Variants in SMPD3 observed in about 807,000 individuals in gnomAD.
SMPD3 encodes sphingomyelin phosphodiesterase 3.
A neutral mutation model predicts 55.7 loss-of-function variants in SMPD3; 21 were observed. The ratio of observed to expected loss-of-function variants is 0.38; its 90% confidence interval spans 0.27 to 0.54. SMPD3 has a LOEUF of 0.54. SMPD3 is among the 20% of genes least tolerant of loss of function. The pLI, the probability that SMPD3 is intolerant of heterozygous loss-of-function variation, is 0.80. For missense variants in SMPD3, 842 were observed against 899.6 expected, an observed-to-expected ratio of 0.94 and a Z score of 0.82; for synonymous variants, 457 against 404.3, an observed-to-expected ratio of 1.13 and a Z score of -1.56.
intron 2 of SMPD3, among the ~76,000 whole-genome samples, chr16:68,372,960 C>G (rs2089712090): frequency 2.0e-5 from 3 of 152,204 alleles, no homozygotes; most frequent in South Asian, 4.1e-4. Context: ...AGGGCGGTCC[C>G]CCTCCATGCA....
In SMPD3 at chr16:68,364,962, G is replaced by A. The variant is rs1469947959; in HGVS notation, c.1399+55C>T. ...TGAAGTTCGCCCCAGACCCCAGCTA[G>A]GCCCCAGGCACTGATCCCATGCCTA... On this transcript the variant is annotated intron_variant, in intron 4 of 8. Coordinates refer to ENST00000219334, the MANE Select transcript of SMPD3 (RefSeq NM_018667.4). 7.4e-6 allele frequency: 12 copies of A among 1,613,552 alleles called. No individual in the cohort carries two copies. The East Asian group carries it at 2.7e-4, about 36-fold the overall frequency.
intron 1 of SMPD3, among the ~76,000 whole-genome samples, chr16:68,397,946 G>T (rs548047595): frequency 9.9e-5 from 15 of 151,708 alleles, no homozygotes; most frequent in Non-Finnish European, 2.2e-4. Context: ...GACAGGCAAG[G>T]CCAGGGGATG....
At chr16:68,424,770 G>A (rs371372740) in intron 1 of SMPD3, among the ~76,000 whole-genome samples, 1 of 152,272 alleles carries the variant, frequency 6.6e-6, no homozygotes, top group East Asian at 1.9e-4. Context: ...GAGTGCAGTG[G>A]CATGATCTCA....
chr16:68,441,969 T>C (rs1181215109), intron 1 of SMPD3, among the ~76,000 whole-genome samples: 1 of 152,166 alleles, frequency 6.6e-6, no homozygotes, highest in Non-Finnish European at 1.5e-5. Context: ...TCTCACTATG[T>C]TACCCAGGCT....
At chr16:68,396,138 C>A (rs2090155165) in intron 1 of SMPD3, among the ~76,000 whole-genome samples, 2 of 152,234 alleles carry the variant, frequency 1.3e-5, no homozygotes, top group South Asian at 4.1e-4. Flanking sequence ...CTACTCCCAA[C>A]CCCTCCGTGG....
At chr16:68,374,899 G>A (rs902530942) in intron 2 of SMPD3, among the ~76,000 whole-genome samples, 10 of 152,204 alleles carry the variant, frequency 6.6e-5, no homozygotes, top group African/African-American at 1.4e-4. Flanking sequence ...CAATGGGGGC[G>A]GGATGGGGGT....
At chr16:68,367,895 A>G (rs1195216514) in intron 3 of SMPD3, 1 of 152,278 alleles carries the variant, frequency 6.6e-6, no homozygotes, top group Admixed American at 6.5e-5. Context: ...TAGGTGAGGA[A>G]AAAGGGATTC....
chr16:68,412,045 G>A (rs943238630), intron 1 of SMPD3, among the ~76,000 whole-genome samples: 5 of 152,180 alleles, frequency 3.3e-5, no homozygotes, highest in Non-Finnish European at 5.9e-5. Context: ...GGAGGCAGGA[G>A]GTGCTCTGGG....
rs182639979 is a variant in SMPD3 at position 68,423,190 on chromosome 16, G to A, written c.-269+25163C>T. On this transcript the variant is annotated intron_variant, in intron 1 of 8. Transcript: ENST00000219334. ...CTGGCCTCCTTGTCACCTCCTTTAT[G>A]GCACAAAAGGGATCTCAAAGATCAT... 2.0e-5 allele frequency among the ~76,000 whole-genome samples: 3 copies of A among 152,254 alleles called. No individual in the cohort carries two copies. The East Asian group carries it at 5.8e-4, about 29-fold the overall frequency.
intron 1 of SMPD3, among the ~76,000 whole-genome samples, chr16:68,392,903 A>T (rs574603687): frequency 6.0e-5 from 9 of 149,104 alleles, no homozygotes; most frequent in African/African-American, 2.2e-4. Context: ...ATGCGGACTT[A>T]GTGAGAAGGT....
At chr16:68,414,394 C>G (rs1416184216) in intron 1 of SMPD3, among the ~76,000 whole-genome samples, 1 of 152,178 alleles carries the variant, frequency 6.6e-6, no homozygotes, top group Non-Finnish European at 1.5e-5. Flanking sequence ...AAGGCTTGAC[C>G]CGGGCTCAAT....
chr16:68,426,408 C>G (rs754659574), intron 1 of SMPD3, among the ~76,000 whole-genome samples: 8 of 152,084 alleles, frequency 5.3e-5, no homozygotes, highest in Non-Finnish European at 7.4e-5. Context: ...ACACTGACAA[C>G]CAGTTCATGA....
At chr16:68,370,778 A>T in intron 3 of SMPD3, 81 bp downstream of exon 3, 1 of 1,548,756 alleles carries the variant, frequency 6.5e-7, no homozygotes, top group Non-Finnish European at 8.7e-7. Context: ...GACGATGAGG[A>T]CTCCCCGCTG....
At chr16:68,401,073 T>G (rs184273982) in intron 1 of SMPD3, among the ~76,000 whole-genome samples, 9 of 152,284 alleles carry the variant, frequency 5.9e-5, no homozygotes, top group Admixed American at 5.2e-4. Context: ...AGAGCTCAGA[T>G]AGTGAAACAG....
chr16:68,363,700 G>A, intron 6 of SMPD3, 77 bp downstream of exon 6: 1 of 1,469,896 alleles, frequency 6.8e-7, no homozygotes, highest in South Asian at 1.2e-5. Flanking sequence ...GGGGTCTTGT[G>A]GGGTAGGTCC....
intron 1 of SMPD3, among the ~76,000 whole-genome samples, chr16:68,406,804 G>T (rs1157797682): frequency 6.6e-6 from 1 of 152,210 alleles, no homozygotes; most frequent in African/African-American, 2.4e-5. Flanking sequence ...AGAAAACACA[G>T]TTTCAGGGGG....
chr16:68,372,941 C>T (rs1235506704), intron 2 of SMPD3, among the ~76,000 whole-genome samples: 1 of 152,188 alleles, frequency 6.6e-6, no homozygotes, highest in African/African-American at 2.4e-5. Context: ...GCCAGCAGGG[C>T]CGCAGGGGAG....
rs756297669 is a variant in SMPD3 at position 68,361,284 on chromosome 16, G to A, written c.1890C>T (p.Ile630=). 1 of 1,612,040 alleles carries A rather than the reference G, an allele frequency of 6.2e-7. No individual in the cohort carries two copies. Among genetic ancestry groups the A allele is most frequent in the East Asian group, 2.2e-5 (1 of 44,746 alleles). Residue 630 remains isoleucine (I), a synonymous_variant, in exon 9 of 9, where the codon ATC becomes ATT. Transcript: ENST00000219334. ...WKAEVEEFSF[I]TQLSGLTDHL... is the part of the protein sequence containing the mutation. ...GGTCCGTCAGGCCGGACAGCTGGGTGATAAAACTGAATTCTTCCACCTCCT... is the reference window on the plus strand; with the variant it reads ...GGTCCGTCAGGCCGGACAGCTGGGTAATAAAACTGAATTCTTCCACCTCCT...
intron 1 of SMPD3, among the ~76,000 whole-genome samples, chr16:68,405,475 T>C (rs753462302): frequency 1.5e-4 from 22 of 145,912 alleles, no homozygotes; most frequent in African/African-American, 7.7e-5. Flanking sequence ...GCCCTAGGGG[T>C]TGAGGCTGCA....
Sources: gnomAD v4.1 joint callset for allele counts (sites outside exome capture counted in the v4.1 genomes callset) on GRCh38, gnomAD v4.1.1 for gene constraint, MANE v1.5 for transcripts, NCBI Gene and HGNC (gene_info 2026-07-23, HGNC 2026-07-21) for gene names.